SNTB1: variants seen among roughly 807,000 people sequenced by gnomAD.
SNTB1 encodes beta-1-syntrophin.
SNTB1 carries 36 observed loss-of-function variants against 48.9 expected under a neutral mutation model. The observed-to-expected ratio is 0.74, with a 90% confidence interval of 0.56 to 0.97. The LOEUF (loss-of-function observed/expected upper bound fraction) is 0.97. SNTB1 is among the 50% of genes least tolerant of loss of function. The probability of loss-of-function intolerance (pLI) is 0.00; values close to 1 mark genes in which losing one functional copy is unlikely to be tolerated. For synonymous variants in SNTB1, 299 were observed against 294.6 expected (o/e 1.01, Z -0.15); for missense variants, 786 against 703.4 (o/e 1.12, Z -1.33).
intron 2 of SNTB1, among the ~76,000 whole-genome samples, chr8:120,655,482 T>G (rs1817485998): frequency 6.6e-6 from 1 of 152,192 alleles, no homozygotes; most frequent in African/African-American, 2.4e-5. Context: ...TGTGTCTATT[T>G]CACAGATAAG....
At chr8:120,662,411 T>A (rs1244247846) in intron 2 of SNTB1, among the ~76,000 whole-genome samples, 1 of 152,212 alleles carries the variant, frequency 6.6e-6, no homozygotes, top group Non-Finnish European at 1.5e-5. Context: ...AACTATGGGG[T>A]TAGACTTGTT....
In SNTB1 at chr8:120,552,221, A is replaced by G. The variant is rs538851762; in HGVS notation, c.1137-3263T>C. Among the ~76,000 whole-genome samples, 43 of 152,362 alleles carry G rather than the reference A, an allele frequency of 2.8e-4. 1 individual carries two copies. In the South Asian group the frequency reaches 8.3e-3, roughly 29 times the overall value. On this transcript the variant is annotated intron_variant, in intron 4 of 6. Transcript: ENST00000517992. ...GGGAAAATGCAATTTGTTAGAAAAT[A>G]CACATTTGGTAGCTCAGGGTATGAG...
intron 2 of SNTB1, among the ~76,000 whole-genome samples, chr8:120,661,034 C>T (rs576781155): frequency 2.0e-4 from 30 of 152,042 alleles, no homozygotes; most frequent in African/African-American, 5.5e-4. Context: ...TCAAAGTTAC[C>T]GGTCACAGAT....
At chr8:120,746,685 T>G (rs921367098) in intron 1 of SNTB1, among the ~76,000 whole-genome samples, 1 of 152,342 alleles carries the variant, frequency 6.6e-6, no homozygotes, top group South Asian at 2.1e-4. Flanking sequence ...CCGTTTACTA[T>G]GATATCAAGA....
intron 2 of SNTB1, among the ~76,000 whole-genome samples, chr8:120,648,785 C>A (rs1817350640): frequency 6.6e-6 from 1 of 152,202 alleles, no homozygotes. Flanking sequence ...TCCATTCTCC[C>A]CATCACTTTC....
chr8:120,696,324 A>G (rs1818209280), intron 1 of SNTB1, among the ~76,000 whole-genome samples: 1 of 152,298 alleles, frequency 6.6e-6, no homozygotes, highest in South Asian at 2.1e-4. Flanking sequence ...TAAAAAGTAG[A>G]GATAAGAACA....
intron 2 of SNTB1, among the ~76,000 whole-genome samples, chr8:120,634,871 A>G (rs1476755685): frequency 8.5e-6 from 1 of 118,320 alleles, no homozygotes; most frequent in Non-Finnish European, 1.8e-5. Flanking sequence ...TTTTTTTTTG[A>G]GACGGAGTCT....
chr8:120,649,633 C>T (rs369174680), intron 2 of SNTB1, among the ~76,000 whole-genome samples: 34,946 of 147,798 alleles, frequency 0.24, 4,063 homozygotes, highest in Middle Eastern at 0.31. Flanking sequence ...TGTCTGTGCC[C>T]TGCCCCCAGA....
intron 3 of SNTB1, among the ~76,000 whole-genome samples, chr8:120,599,386 C>T (rs1049676732): frequency 1.3e-5 from 2 of 152,232 alleles, no homozygotes; most frequent in African/African-American, 4.8e-5. Context: ...ACAAAATGAC[C>T]TTGTGTGCAC....
At chr8:120,736,380 C>A (rs1246638231) in intron 1 of SNTB1, among the ~76,000 whole-genome samples, 1 of 152,104 alleles carries the variant, frequency 6.6e-6, no homozygotes, top group African/African-American at 2.4e-5. Context: ...TCTGAAGAGA[C>A]CTTAGACAAA....
At chr8:120,723,842 C>T (rs910028201) in intron 1 of SNTB1, among the ~76,000 whole-genome samples, 2 of 152,178 alleles carry the variant, frequency 1.3e-5, no homozygotes, top group African/African-American at 2.4e-5. Flanking sequence ...GTCCAGTAAA[C>T]GGCAGCTATT....
intron 1 of SNTB1, among the ~76,000 whole-genome samples, chr8:120,799,320 C>T (rs1289603475): frequency 6.6e-6 from 1 of 151,918 alleles, no homozygotes; most frequent in Non-Finnish European, 1.5e-5. Flanking sequence ...ATCAGATATG[C>T]ATAGCACACT....
intron 1 of SNTB1, among the ~76,000 whole-genome samples, chr8:120,712,337 C>T (rs902328939): frequency 3.3e-5 from 5 of 150,856 alleles, no homozygotes; most frequent in Admixed American, 2.0e-4. Flanking sequence ...ATGGCATGAA[C>T]CTGGGAGGCG....
At chr8:120,594,166 T>A (rs1050383722) in intron 3 of SNTB1, among the ~76,000 whole-genome samples, 24 of 152,042 alleles carry the variant, frequency 1.6e-4, no homozygotes, top group African/African-American at 5.8e-4. Flanking sequence ...TGGGCTCAAG[T>A]GATCCTCCCC....
At chr8:120,593,691 T>A (rs573012209) in intron 3 of SNTB1, among the ~76,000 whole-genome samples, 1 of 152,272 alleles carries the variant, frequency 6.6e-6, no homozygotes, top group Non-Finnish European at 1.5e-5. Flanking sequence ...AGAAATGAAT[T>A]GTTAATGATA....
chr8:120,595,928 T>A (rs1256790515), intron 3 of SNTB1, among the ~76,000 whole-genome samples: 1 of 152,166 alleles, frequency 6.6e-6, no homozygotes. Flanking sequence ...TTGCATGAGA[T>A]CCAAGAATCC....
chr8:120,661,619 G>A (rs749660599), intron 2 of SNTB1, among the ~76,000 whole-genome samples: 2 of 152,120 alleles, frequency 1.3e-5, no homozygotes, highest in Non-Finnish European at 2.9e-5. Flanking sequence ...CGTGCATTAG[G>A]TATGTGTCCT....
intron 1 of SNTB1, among the ~76,000 whole-genome samples, chr8:120,796,640 A>C (rs1820123899): frequency 6.6e-6 from 1 of 151,996 alleles, no homozygotes; most frequent in African/African-American, 2.4e-5. Flanking sequence ...ACTTATATTA[A>C]AGCTTCTTTT....
At chr8:120,577,341 TA>T (rs887027556) in intron 3 of SNTB1, among the ~76,000 whole-genome samples, 2 of 152,260 alleles carry the variant, frequency 1.3e-5, no homozygotes, top group Non-Finnish European at 2.9e-5. Flanking sequence ...ATGCATATTT[TA>T]AAAGCTAGCT....
Sources: gnomAD v4.1 joint callset for allele counts (sites outside exome capture counted in the v4.1 genomes callset) on GRCh38, gnomAD v4.1.1 for gene constraint, MANE v1.5 for transcripts, NCBI Gene and HGNC (gene_info 2026-07-23, HGNC 2026-07-21) for gene names.